ACACA: variants seen among roughly 807,000 people sequenced by gnomAD.
The protein encoded by ACACA is acetyl-CoA carboxylase alpha.
ACACA carries 103 observed loss-of-function variants against 296.1 expected under a neutral mutation model. The ratio of observed to expected loss-of-function variants is 0.35; its 90% CI spans 0.30 to 0.41. The LOEUF (loss-of-function observed/expected upper bound fraction) is 0.41, where lower values mean the gene tolerates loss of function less well. Among genes scored for constraint, ACACA ranks in the 10% least tolerant of loss-of-function variants. The probability of loss-of-function intolerance (pLI) is 1.00; values close to 1 mark genes in which losing one functional copy is unlikely to be tolerated. For synonymous variants in ACACA, 953 were observed against 1,038.6 expected (o/e 0.92, Z 1.58); for missense variants, 1,554 against 2,989.7 (o/e 0.52, Z 11.20).
chr17:37,300,391 A>C (rs2083562292), intron 3 of ACACA, among the ~76,000 whole-genome samples: 1 of 152,168 alleles, frequency 6.6e-6, no homozygotes, highest in African/African-American at 2.4e-5. Context: ...GAGAAAAATC[A>C]ATGGCAAAAG....
intron 39 of ACACA, among the ~76,000 whole-genome samples, chr17:37,187,830 T>C (rs2077596834): frequency 6.6e-6 from 1 of 152,220 alleles, no homozygotes; most frequent in South Asian, 2.1e-4. Context: ...TATACTATGT[T>C]GAAATTTTCC....
intron 2 of ACACA, among the ~76,000 whole-genome samples, chr17:37,334,221 G>GT (rs1236877488): frequency 6.6e-6 from 1 of 152,028 alleles, no homozygotes; most frequent in Non-Finnish European, 1.5e-5. Context: ...GCAGGACTTA[G>GT]TCCATACAAA....
chr17:37,274,113 C>T (rs2146444030), intron 9 of ACACA, 80 bp downstream of exon 9: 8 of 1,245,568 alleles, frequency 6.4e-6, no homozygotes, highest in South Asian at 1.2e-5. Context: ...GTATATATCA[C>T]GAGCCAGGCT....
chr17:37,377,559 C>G (rs1285489710), intron 1 of ACACA, among the ~76,000 whole-genome samples: 9 of 151,944 alleles, frequency 5.9e-5, no homozygotes, highest in Admixed American at 5.9e-4. Context: ...ACTCGGGAGG[C>G]TGAGGCAGAA....
intron 1 of ACACA, among the ~76,000 whole-genome samples, chr17:37,347,287 C>G (rs1190572110): frequency 2.6e-5 from 4 of 152,162 alleles, no homozygotes; most frequent in African/African-American, 9.7e-5. Context: ...TGTGAGGTCT[C>G]CCTGGCCATA....
chr17:37,318,410 T>C (rs2047193845), intron 3 of ACACA, among the ~76,000 whole-genome samples: 1 of 152,124 alleles, frequency 6.6e-6, no homozygotes, highest in Admixed American at 6.5e-5. Context: ...CTGGCTAATG[T>C]TTGTATTTTT....
intron 1 of ACACA, chr17:37,376,070 A>C (rs1229968380): frequency 6.2e-7 from 1 of 1,602,134 alleles, no homozygotes; most frequent in Non-Finnish European, 8.6e-7. Flanking sequence ...GTCTGTCTGC[A>C]ATGAGCATGT....
intron 3 of ACACA, among the ~76,000 whole-genome samples, chr17:37,308,829 C>T (rs1400796412): frequency 3.3e-5 from 5 of 151,944 alleles, no homozygotes; most frequent in Admixed American, 1.3e-4. Context: ...CCTAGCTACT[C>T]GGGAGACTGA....
At position 37,122,845 on chromosome 17, in the gene ACACA, C is replaced by T. The variant is rs1022913018; in HGVS notation, c.6042-218G>A. 22 of 628,006 alleles carry T rather than the reference C, an allele frequency of 3.5e-5. No homozygotes were observed. The African/African-American group carries it at 3.6e-4, about 10-fold the overall frequency. The allele number at this position is 628,006 out of a possible 1,614,324, so 38.9% of individuals were successfully genotyped here. A position where few individuals can be genotyped will look rare whatever the true frequency, so the allele number is the denominator to read the frequency against. ...AACCACCCTCAGAATCACTTCTATTCGGAAATGTCCCAACACAAGATAAAT... is the reference window on the plus strand; with the variant it reads ...AACCACCCTCAGAATCACTTCTATTTGGAAATGTCCCAACACAAGATAAAT... On this transcript the variant is annotated intron_variant, in intron 48 of 55. Transcript: ENST00000616317.
At chr17:37,263,162 G>C (rs1384328356) in intron 11 of ACACA, among the ~76,000 whole-genome samples, 8 of 152,120 alleles carry the variant, frequency 5.3e-5, no homozygotes, top group African/African-American at 1.4e-4. Flanking sequence ...GTAGAGACTG[G>C]GTTAGGACTC....
At chr17:37,261,636 T>C (rs543868920) in intron 11 of ACACA, among the ~76,000 whole-genome samples, 4 of 152,280 alleles carry the variant, frequency 2.6e-5, no homozygotes, top group East Asian at 3.9e-4. Flanking sequence ...CAGAAAACAA[T>C]GTCAGGTGTC....
chr17:37,391,410 A>T (rs2050879079), intron 1 of ACACA, among the ~76,000 whole-genome samples: 1 of 152,170 alleles, frequency 6.6e-6, no homozygotes, highest in African/African-American at 2.4e-5. Context: ...CAGAACTATG[A>T]TCCAGATCTT....
In ACACA at chr17:37,158,885, T is replaced by C. The variant is rs554870072; in HGVS notation, c.5349+2896A>G. Among the ~76,000 whole-genome samples the C allele has an allele frequency of 5.9e-5, 9 of 151,946 alleles. No homozygotes were observed. In the South Asian group the frequency reaches 1.2e-3, roughly 21 times the overall value. On this transcript the variant is annotated intron_variant, in intron 42 of 55. Coordinates refer to ENST00000616317, the MANE Select transcript of ACACA (RefSeq NM_198834.3). ...TGTCTCCATTCACTTTTTTTTATAA[T>C]TAAAAAAACTGGCCAGGCACAGTGG...
chr17:37,169,887 A>G (rs2076820877), intron 41 of ACACA, among the ~76,000 whole-genome samples: 1 of 152,148 alleles, frequency 6.6e-6, no homozygotes, highest in African/African-American at 2.4e-5. Flanking sequence ...GAAATTAACA[A>G]AAAGGTACCC....
At chr17:37,123,678 C>T (rs567014594) in intron 48 of ACACA, among the ~76,000 whole-genome samples, 1 of 152,122 alleles carries the variant, frequency 6.6e-6, no homozygotes, top group African/African-American at 2.4e-5. Flanking sequence ...AGACCACCCA[C>T]CCCCTTGTCA....
intron 29 of ACACA, among the ~76,000 whole-genome samples, chr17:37,220,370 G>A (rs1419367796): frequency 6.6e-6 from 1 of 152,130 alleles, no homozygotes; most frequent in East Asian, 1.9e-4. Flanking sequence ...CTGCCCAAAG[G>A]GAAGCAGGAA....
At chr17:37,275,379 C>A (rs1317483512) in intron 8 of ACACA, among the ~76,000 whole-genome samples, 1 of 151,612 alleles carries the variant, frequency 6.6e-6, no homozygotes, top group Non-Finnish European at 1.5e-5. Flanking sequence ...TGCCTGTAAT[C>A]CCAGCTACTC....
At chr17:37,361,272 C>T (rs1301595122) in intron 1 of ACACA, among the ~76,000 whole-genome samples, 4 of 152,024 alleles carry the variant, frequency 2.6e-5, no homozygotes, top group Admixed American at 6.6e-5. Flanking sequence ...CTCTTGACCT[C>T]GTGATCCGCC....
chr17:37,174,284 T>C (rs1311679425), intron 41 of ACACA, among the ~76,000 whole-genome samples: 2 of 150,268 alleles, frequency 1.3e-5, no homozygotes, highest in Admixed American at 6.6e-5. Context: ...AGAGTTAAAA[T>C]TGCAATTGCT....
Sources: gnomAD v4.1 joint callset for allele counts (sites outside exome capture counted in the v4.1 genomes callset) on GRCh38, gnomAD v4.1.1 for gene constraint, MANE v1.5 for transcripts, NCBI Gene and HGNC (gene_info 2026-07-23, HGNC 2026-07-21) for gene names.